Variants in HSPA4L observed in about 807,000 individuals in gnomAD.
HSPA4L encodes heat shock 70 kDa protein 4L.
A neutral mutation model predicts 100.3 loss-of-function variants in HSPA4L; 48 were observed. The ratio of observed to expected loss-of-function variants is 0.48; its 90% CI spans 0.38 to 0.61. HSPA4L has a LOEUF of 0.61. HSPA4L is among the 20% of genes least tolerant of loss of function. HSPA4L has a pLI of 0.00. For missense variants in HSPA4L, 886 were observed against 988.6 expected, an observed-to-expected ratio of 0.90 and a Z score of 1.39; for synonymous variants, 319 against 328.2, an observed-to-expected ratio of 0.97 and a Z score of 0.30.
chr4:127,816,068 TGA>T (rs1219911725), intron 12 of HSPA4L, among the ~76,000 whole-genome samples: 3 of 152,042 alleles, frequency 2.0e-5, no homozygotes, highest in African/African-American at 4.8e-5. Flanking sequence ...AAAATGAAAT[TGA>T]GAGGGTAAAT....
intron 17 of HSPA4L, among the ~76,000 whole-genome samples, chr4:127,828,032 T>A (rs1485982220): frequency 6.6e-6 from 1 of 152,128 alleles, no homozygotes; most frequent in Non-Finnish European, 1.5e-5. Flanking sequence ...TCAGTAGTTA[T>A]CAGACTTTTT....
intron 4 of HSPA4L, 81 bp from the exon 5 acceptor site, chr4:127,801,057 A>T: frequency 1.0e-6 from 1 of 985,312 alleles, no homozygotes; most frequent in Non-Finnish European, 1.5e-6. Context: ...AACTGTACAT[A>T]AGTTTTAGGG....
Position 127,816,729 on chromosome 4 carries a change from G to C in HSPA4L, c.1579-1596G>C, listed in dbSNP as rs1038191788. Among the ~76,000 whole-genome samples, 5 of 152,180 alleles carry C rather than the reference G, an allele frequency of 3.3e-5. No homozygotes were observed. In the East Asian group the frequency reaches 7.7e-4, roughly 23 times the overall value. On this transcript the variant is annotated intron_variant, in intron 12 of 18. Coordinates refer to ENST00000296464, the MANE Select transcript of HSPA4L (RefSeq NM_014278.4). ...TCATTTATACTCCTGATGACACACAGAGTGATATTGTATAGAAATATACAT... is the reference window on the plus strand; with the variant it reads ...TCATTTATACTCCTGATGACACACACAGTGATATTGTATAGAAATATACAT...
chr4:127,802,434 TA>T (rs1733215999), intron 6 of HSPA4L, among the ~76,000 whole-genome samples: 1 of 152,174 alleles, frequency 6.6e-6, no homozygotes, highest in African/African-American at 2.4e-5. Flanking sequence ...AGAGTTTACT[TA>T]GGAGATAAAC....
rs985647654 is a variant in HSPA4L, at chr4:127,820,358, T to C, written c.1675-70T>C. 69 of 1,307,250 alleles carry C rather than the reference T, an allele frequency of 5.3e-5. No individual in the cohort carries two copies. The African/African-American group carries it at 9.8e-4, about 19-fold the overall frequency. 81.0% of individuals were successfully genotyped at this position (1,307,250 alleles called of 1,614,324 possible). Reference sequence around the variant, plus strand: ...AGATCATAATCGTTTTGATTTTACTTTCTGTTTTACCTCTTAAATCTATTT... The same window carrying C: ...AGATCATAATCGTTTTGATTTTACTCTCTGTTTTACCTCTTAAATCTATTT... On this transcript the variant is annotated intron_variant, in intron 13 of 18. Transcript: ENST00000296464.
At chr4:127,791,893 G>A (rs1732886749) in intron 1 of HSPA4L, among the ~76,000 whole-genome samples, 1 of 152,146 alleles carries the variant, frequency 6.6e-6, no homozygotes, top group African/African-American at 2.4e-5. Context: ...TGAGTCTATA[G>A]CATTGTGAGA....
intron 6 of HSPA4L, 102 bp from the exon 7 acceptor site, chr4:127,803,527 C>A: frequency 1.7e-6 from 2 of 1,187,942 alleles, no homozygotes; most frequent in Non-Finnish European, 2.3e-6. Flanking sequence ...GTTTTTTTAG[C>A]GTCATTTTTA....
At chr4:127,795,143 A>G (rs747904815) in intron 2 of HSPA4L, among the ~76,000 whole-genome samples, 1 of 152,138 alleles carries the variant, frequency 6.6e-6, no homozygotes, top group Non-Finnish European at 1.5e-5. Flanking sequence ...CCTAGACAAT[A>G]ATAAACCAGT....
chr4:127,831,649 G>C (rs1734086651), intron 18 of HSPA4L, among the ~76,000 whole-genome samples: 1 of 151,846 alleles, frequency 6.6e-6, no homozygotes, highest in South Asian at 2.1e-4. Flanking sequence ...TGTATACAGT[G>C]TATTGGTAAG....
chr4:127,822,722 C>T (rs780381203), intron 14 of HSPA4L, 47 bp from the exon 15 acceptor site: 2 of 1,588,746 alleles, frequency 1.3e-6, no homozygotes, highest in South Asian at 2.3e-5. Flanking sequence ...ATTTCTATTT[C>T]CCTAATGCAT....
intron 12 of HSPA4L, among the ~76,000 whole-genome samples, chr4:127,815,061 C>T (rs1054729084): frequency 6.6e-6 from 1 of 152,006 alleles, no homozygotes; most frequent in Non-Finnish European, 1.5e-5. Flanking sequence ...TTACTCTATC[C>T]TAGCTGATGG....
chr4:127,827,579 G>A (rs1733979298), intron 17 of HSPA4L, among the ~76,000 whole-genome samples, 155 bp downstream of exon 17: 2 of 151,852 alleles, frequency 1.3e-5, no homozygotes, highest in Admixed American at 1.3e-4. Flanking sequence ...TTTTTTATTG[G>A]AGAATTTCAC....
intron 12 of HSPA4L, chr4:127,813,406 C>T (rs983433927): frequency 2.1e-6 from 1 of 471,202 alleles, no homozygotes; most frequent in African/African-American, 1.9e-5. Flanking sequence ...TCAATCTTTC[C>T]ATGTATCATT....
At chr4:127,827,658 C>T (rs1424150666) in intron 17 of HSPA4L, among the ~76,000 whole-genome samples, 18 of 151,968 alleles carry the variant, frequency 1.2e-4, no homozygotes, top group Admixed American at 1.2e-3. Context: ...TTTCCTGAAA[C>T]TACATTATAA....
At chr4:127,794,283 T>G (rs1732960418) in intron 2 of HSPA4L, 149 bp downstream of exon 2, 2 of 522,788 alleles carry the variant, frequency 3.8e-6, no homozygotes, top group Admixed American at 3.6e-5. Flanking sequence ...GTTTTGTTTT[T>G]TTAAGATATA....
Position 127,827,366 on chromosome 4 carries a change from A to C in HSPA4L, c.2108A>C (p.Asn703Thr). Residue 703 changes from asparagine (N) to threonine (T), a missense_variant, in exon 17 of 19, where the codon AAT becomes ACT. By Grantham distance (65) the Asn-to-Thr change is moderately conservative. Coordinates refer to ENST00000296464, the MANE Select transcript of HSPA4L (RefSeq NM_014278.4). ...MEHEERPKAL[N>T]DLGKKIQLVM... ...CATGAAGAGAGACCAAAAGCCTTAA[A>C]TGACTTGGGAAAAAAGATCCAACTT... 6.2e-7 allele frequency: 1 copy of C among 1,613,720 alleles called. No homozygotes were observed. The highest frequency in any genetic ancestry group is 8.5e-7 in the Non-Finnish European group (1 of 1,179,682).
chr4:127,805,748 A>C lies in HSPA4L; in HGVS notation c.1199A>C (p.Tyr400Ser). 6.2e-7 allele frequency: 1 copy of C among 1,612,578 alleles called. No individual in the cohort carries two copies. The highest frequency in any genetic ancestry group is 1.7e-4 in the Middle Eastern group (1 of 6,054). ...REFSITDLVP[Y>S]SITLRWKTSF... Reference sequence around the variant, plus strand: ...TTTTCCATAACAGACCTTGTTCCCTATTCAATCACATTAAGGTGGAAGACC... The same window carrying C: ...TTTTCCATAACAGACCTTGTTCCCTCTTCAATCACATTAAGGTGGAAGACC... Residue 400 changes from tyrosine to serine, a missense_variant, in exon 10 of 19, where the codon TAT (tyrosine) becomes TCT (serine). Tyr to Ser is a moderately radical substitution (Grantham distance 144). Transcript: ENST00000296464.
chr4:127,831,333 T>C (rs1335517309), intron 18 of HSPA4L, among the ~76,000 whole-genome samples: 1 of 151,690 alleles, frequency 6.6e-6, no homozygotes, highest in East Asian at 1.9e-4. Flanking sequence ...AAACCCCATC[T>C]CTACAAAAAA....
intron 1 of HSPA4L, among the ~76,000 whole-genome samples, chr4:127,788,608 T>C (rs1271972462): frequency 6.6e-6 from 1 of 152,206 alleles, no homozygotes; most frequent in Non-Finnish European, 1.5e-5. Flanking sequence ...TTGGGAAATG[T>C]TGTTCTAGGG....
Sources: allele counts gnomAD v4.1 joint callset (sites outside exome capture counted in the v4.1 genomes callset), GRCh38; gene constraint gnomAD v4.1.1; transcripts MANE v1.5; gene names NCBI Gene and HGNC (gene_info 2026-07-23, HGNC 2026-07-21).